The following RBM46 variants were observed in gnomAD, a reference collection of about 807,000 sequenced individuals.
RBM46 encodes the protein probable RNA-binding protein 46.
RBM46 carries 12 observed loss-of-function variants against 43.3 expected under a neutral mutation model. The observed-to-expected ratio is 0.28, with a 90% CI of 0.18 to 0.45. RBM46 has a LOEUF of 0.45. Among genes scored for constraint, RBM46 ranks in the 20% least tolerant of loss-of-function variants. The pLI is 1.00. For missense variants in RBM46, 412 were observed against 639.1 expected (o/e 0.64, Z 3.83); for synonymous variants, 205 against 207.6 (o/e 0.99, Z 0.11).
At chr4:154,824,651 C>T (rs996462451) in intron 4 of RBM46, among the ~76,000 whole-genome samples, 3 of 151,930 alleles carry the variant, frequency 2.0e-5, no homozygotes, top group Non-Finnish European at 2.9e-5. Context: ...CAAGATATGT[C>T]AGTGGATTCT....
At chr4:154,785,243 A>C (rs1733700976) in intron 1 of RBM46, among the ~76,000 whole-genome samples, 1 of 152,054 alleles carries the variant, frequency 6.6e-6, no homozygotes, top group Non-Finnish European at 1.5e-5. Flanking sequence ...AGGAGCCTTT[A>C]ATGTGTATGG....
At chr4:154,807,667 A>G (rs572950570) in intron 4 of RBM46, among the ~76,000 whole-genome samples, 57 of 152,024 alleles carry the variant, frequency 3.7e-4, no homozygotes, top group African/African-American at 1.1e-3. Flanking sequence ...CCTCTTTCCA[A>G]GACCTGGTAG....
intron 1 of RBM46, among the ~76,000 whole-genome samples, chr4:154,784,755 G>C (rs532556222): frequency 1.3e-5 from 2 of 152,318 alleles, no homozygotes; most frequent in East Asian, 3.9e-4. Flanking sequence ...AAGGAAATAA[G>C]TTTTTAGAAC....
chr4:154,805,879 T>C (rs1050270066), intron 4 of RBM46, among the ~76,000 whole-genome samples: 8 of 151,914 alleles, frequency 5.3e-5, no homozygotes, highest in East Asian at 3.8e-4. Context: ...AATAATACTT[T>C]TCAGAATTTT....
intron 1 of RBM46, among the ~76,000 whole-genome samples, chr4:154,788,344 A>G (rs1228323597): frequency 6.6e-6 from 1 of 152,106 alleles, no homozygotes; most frequent in Non-Finnish European, 1.5e-5. Flanking sequence ...TCTTTAATCC[A>G]TCTCGAATTA....
chr4:154,821,180 A>T (rs146628675), intron 4 of RBM46, among the ~76,000 whole-genome samples: 1 of 151,838 alleles, frequency 6.6e-6, no homozygotes, highest in Non-Finnish European at 1.5e-5. Context: ...AATGCTTGTT[A>T]TACTTGAGAC....
chr4:154,798,937 T>C lies in RBM46; in HGVS notation c.775T>C (p.Phe259Leu), dbSNP rs1338350011. The C allele has an allele frequency of 6.2e-7, 1 of 1,613,658 alleles. No individual in the cohort carries two copies. Among genetic ancestry groups the C allele is most frequent in the Non-Finnish European group, 8.5e-7 (1 of 1,179,862 alleles). The change falls in exon 4 of 5, where the codon TTT (phenylalanine) becomes CTT (leucine). Residue 259 changes from phenylalanine (F) to leucine (L), a missense_variant. Physicochemically the swap from Phe to Leu is conservative, Grantham distance 22 (BLOSUM62 0). This residue lies in a region of RBM46 where 54 missense variants were observed against 102.5 expected (regional missense o/e 0.53). Transcript: ENST00000281722. ...AACAATTAAAGCAGAATTCAATAAATTTAAGCCTGGTGCAGTTGAACGGGT... is the reference window on the plus strand; with the variant it reads ...AACAATTAAAGCAGAATTCAATAAACTTAAGCCTGGTGCAGTTGAACGGGT... ...EETIKAEFNKFKPGAVERVKK... is the reference protein window; with the variant it reads ...EETIKAEFNKLKPGAVERVKK...
At position 154,827,896 on chromosome 4, in the gene RBM46, T is replaced by C; in HGVS notation, c.1431T>C (p.Asn477=). ...LDYNFHRSSI[N]SLSPVSATLS... ...ACAATTTCCATCGCAGCTCAATAAA[T>C]AGTCTTTCCCCTGTTAGTGCTACCC... is the stretch of plus-strand genomic sequence containing the variant. The change falls in exon 5 of 5, where the codon AAT becomes AAC. Residue 477 remains asparagine, a synonymous_variant. Coordinates refer to ENST00000281722, the MANE Select transcript of RBM46 (RefSeq NM_144979.5). 3.1e-6 allele frequency: 5 copies of C among 1,613,920 alleles called. No individual in the cohort carries two copies. Among genetic ancestry groups the C allele is most frequent in the Non-Finnish European group, 4.2e-6 (5 of 1,179,852 alleles).
In RBM46 at chr4:154,799,069, G is replaced by T; in HGVS notation, c.907G>T (p.Val303Leu). The T allele has an allele frequency of 6.2e-7, 1 of 1,614,016 alleles. No individual in the cohort carries two copies. The highest frequency in any genetic ancestry group is 1.3e-5 in the African/African-American group (1 of 74,998). ...ATGCATTGATGGAGCAAGTATTGAG[G>T]TAACACTAGCTAAACCAGTAAATAA... Reference protein sequence around the residue: ...GKCIDGASIEVTLAKPVNKEN... With the variant: ...GKCIDGASIELTLAKPVNKEN... Residue 303 changes from valine to leucine, a missense_variant, in exon 4 of 5, where the codon GTA becomes TTA. Physicochemically the swap from Val to Leu is conservative, Grantham distance 32 (BLOSUM62 1). Around this residue, in one of 8 missense-constraint regions of RBM46, gnomAD observed 105 missense variants for 111.0 expected, o/e 0.95. Transcript: ENST00000281722.
At chr4:154,821,064 T>C (rs981167947) in intron 4 of RBM46, among the ~76,000 whole-genome samples, 4 of 151,820 alleles carry the variant, frequency 2.6e-5, no homozygotes, top group African/African-American at 9.7e-5. Context: ...ATAGTACTTA[T>C]AAGTCTGTTA....
intron 4 of RBM46, among the ~76,000 whole-genome samples, chr4:154,811,651 A>G (rs996767092): frequency 4.5e-5 from 6 of 132,622 alleles, no homozygotes; most frequent in East Asian, 2.2e-4. Flanking sequence ...TAGATAGGAT[A>G]TGTGTGTGTG....
At chr4:154,816,693 TCTTGC>T (rs1735460792) in intron 4 of RBM46, among the ~76,000 whole-genome samples, 1 of 152,064 alleles carries the variant, frequency 6.6e-6, no homozygotes, top group African/African-American at 2.4e-5. Context: ...TTTTTTTTTC[TCTTGC>T]CTTACTGCAC....
chr4:154,826,545 CAA>C (rs762843971), intron 4 of RBM46, among the ~76,000 whole-genome samples: 2 of 152,026 alleles, frequency 1.3e-5, no homozygotes, highest in Non-Finnish European at 2.9e-5. Context: ...TAAATGGTAT[CAA>C]AGTAATTCCT....
At chr4:154,814,233 T>A (rs1185880760) in intron 4 of RBM46, among the ~76,000 whole-genome samples, 1 of 152,038 alleles carries the variant, frequency 6.6e-6, no homozygotes, top group Non-Finnish European at 1.5e-5. Context: ...TGAAGTTTAA[T>A]TTATCCTATT....
intron 4 of RBM46, among the ~76,000 whole-genome samples, chr4:154,810,279 A>C (rs150553867): frequency 6.6e-6 from 1 of 152,298 alleles, no homozygotes; most frequent in Non-Finnish European, 1.5e-5. Context: ...AAGGTAAAAT[A>C]GGAAAGTTAC....
chr4:154,810,640 C>G (rs975565725), intron 4 of RBM46, among the ~76,000 whole-genome samples: 16 of 152,082 alleles, frequency 1.1e-4, no homozygotes, highest in African/African-American at 3.9e-4. Context: ...AGCCTTTCAG[C>G]TGCTAAAAAT....
chr4:154,798,720 G>A (rs1484755862), intron 3 of RBM46, 62 bp from the exon 4 acceptor site: 4 of 1,241,312 alleles, frequency 3.2e-6, no homozygotes, highest in Non-Finnish European at 4.2e-6. Context: ...CAGTTTTACT[G>A]AACATCTTTA....
intron 4 of RBM46, 23 bp downstream of exon 4, chr4:154,799,587 T>C (rs1465963712): frequency 1.4e-6 from 2 of 1,435,166 alleles, no homozygotes; most frequent in Non-Finnish European, 1.9e-6. Context: ...ATACTTTAAA[T>C]GATGTATAAT....
chr4:154,809,881 T>C (rs1487552726), intron 4 of RBM46, among the ~76,000 whole-genome samples: 2 of 152,076 alleles, frequency 1.3e-5, no homozygotes, highest in Admixed American at 6.6e-5. Context: ...ATTGAGACAA[T>C]TGGAAATTAT....
Sources: gnomAD v4.1 joint callset for allele counts (sites outside exome capture counted in the v4.1 genomes callset) on GRCh38, gnomAD v4.1.1 for gene constraint, gnomAD v4.1.1 regional missense constraint, MANE v1.5 for transcripts, NCBI Gene and HGNC (gene_info 2026-07-23, HGNC 2026-07-21) for gene names.